Variants in DPP6 observed in about 807,000 individuals in gnomAD.
DPP6 encodes A-type potassium channel modulatory protein DPP6.
In DPP6, 69 loss-of-function variants were observed where a neutral mutation model predicts 122.6. The observed-to-expected ratio is 0.56, with a 90% CI of 0.46 to 0.69. The LOEUF is 0.69. Ranked by LOEUF, DPP6 falls within the 30% of genes least tolerant of loss-of-function variation. The pLI is 0.00. For missense variants in DPP6, 928 were observed against 1,116.9 expected (o/e 0.83, Z 2.41); for synonymous variants, 418 against 433.1 (o/e 0.97, Z 0.43).
intron 1 of DPP6, among the ~76,000 whole-genome samples, chr7:154,177,848 G>A (rs550455744): frequency 9.9e-5 from 15 of 152,276 alleles, no homozygotes; most frequent in South Asian, 4.1e-4. Context: ...GAAATTAAAC[G>A]CTTCGTATAA....
chr7:153,901,031 C>T (rs1461322312), intron 1 of DPP6, among the ~76,000 whole-genome samples: 1 of 152,092 alleles, frequency 6.6e-6, no homozygotes, highest in African/African-American at 2.4e-5. Context: ...TGATTACTTA[C>T]AGTGGTTCAT....
the DPP6 span, among the ~76,000 whole-genome samples, chr7:153,878,154 C>G: frequency 2.8e-4 from 42 of 152,294 alleles, no homozygotes; most frequent in Admixed American, 8.5e-4. Context: ...CAACAGGTCA[C>G]TCACATCCTA....
At chr7:154,713,233 C>T (rs2131311434) in intron 7 of DPP6, among the ~76,000 whole-genome samples, 1 of 152,348 alleles carries the variant, frequency 6.6e-6, no homozygotes, top group South Asian at 2.1e-4. Context: ...TACAGCCTAC[C>T]TCCCAGCTGC....
intron 1 of DPP6, among the ~76,000 whole-genome samples, chr7:154,179,516 G>C (rs915622167): frequency 4.6e-5 from 7 of 152,190 alleles, no homozygotes; most frequent in African/African-American, 1.7e-4. Flanking sequence ...AGCAGTGATT[G>C]TGATTTCATG....
chr7:154,521,330 A>G (rs1287297517), intron 3 of DPP6, among the ~76,000 whole-genome samples: 1 of 151,938 alleles, frequency 6.6e-6, no homozygotes, highest in African/African-American at 2.4e-5. Context: ...GTGAAAAAAT[A>G]ATTTGCAAAA....
chr7:153,847,551 TG>T, the DPP6 span, among the ~76,000 whole-genome samples: 1 of 152,248 alleles, frequency 6.6e-6, no homozygotes, highest in African/African-American at 2.4e-5. Flanking sequence ...TATTCATTTT[TG>T]TTTTAGTTAA....
intron 1 of DPP6, among the ~76,000 whole-genome samples, chr7:154,263,378 A>G (rs1803162212): frequency 1.3e-5 from 2 of 152,202 alleles, no homozygotes; most frequent in Admixed American, 1.3e-4. Context: ...GCTTCTGTTT[A>G]TATATGAGCA....
chr7:154,357,540 C>A (rs563628562), intron 1 of DPP6, among the ~76,000 whole-genome samples: 108 of 152,254 alleles, frequency 7.1e-4, no homozygotes, highest in African/African-American at 2.4e-3. Context: ...TATTCAGGCT[C>A]GAGGCAACTC....
chr7:153,892,631 C>A (rs1345908967), intron 1 of DPP6, among the ~76,000 whole-genome samples: 1 of 152,066 alleles, frequency 6.6e-6, no homozygotes, highest in Admixed American at 6.6e-5. Flanking sequence ...TCTGTGGGGA[C>A]AGCATTTCTA....
Position 154,105,438 on chromosome 7 carries a change from A to G in DPP6, c.243+52375A>G, listed in dbSNP as rs191443212. On this transcript the variant is annotated intron_variant, in intron 1 of 25. Coordinates refer to ENST00000377770, the MANE Select transcript of DPP6 (RefSeq NM_130797.4). Reference sequence around the variant, plus strand: ...TGTGACCAGAGCCTTGGCTGCAAATAACGACCAGCCTTTCCTCATCACCCA... The same window carrying G: ...TGTGACCAGAGCCTTGGCTGCAAATGACGACCAGCCTTTCCTCATCACCCA... Among the ~76,000 whole-genome samples the G allele has an allele frequency of 2.2e-3, 340 of 152,260 alleles. 2 individuals carry two copies. The highest frequency in any genetic ancestry group is 7.8e-3 in the African/African-American group (322 of 41,536).
At position 154,265,661 on chromosome 7, in the gene DPP6, A is replaced by G. The variant is rs146187354; in HGVS notation, c.244-180553A>G. Among the ~76,000 whole-genome samples the G allele has an allele frequency of 7.7e-3, 1,170 of 152,328 alleles. 23 individuals carry two copies. Among genetic ancestry groups the G allele is most frequent in the African/African-American group, 0.025 (1,050 of 41,578 alleles). ...AATGTAGCCGACTTACACAAAATAA[A>G]CTTAAGATTACTGTTTTGGTCAAAG... On this transcript the variant is annotated intron_variant, in intron 1 of 25. Coordinates refer to ENST00000377770, the MANE Select transcript of DPP6 (RefSeq NM_130797.4).
chr7:153,933,723 A>C (rs1044458185), intron 1 of DPP6, among the ~76,000 whole-genome samples: 2 of 152,150 alleles, frequency 1.3e-5, no homozygotes, highest in African/African-American at 4.8e-5. Flanking sequence ...ACACACCTGC[A>C]TAGAAACACA....
intron 4 of DPP6, among the ~76,000 whole-genome samples, chr7:154,560,617 C>T (rs1830359790): frequency 6.6e-6 from 1 of 152,164 alleles, no homozygotes; most frequent in Non-Finnish European, 1.5e-5. Flanking sequence ...GGCATGGTGG[C>T]TCATGCCTGT....
intron 1 of DPP6, chr7:154,305,335 T>TTTG: frequency 9.8e-7 from 1 of 1,024,758 alleles, no homozygotes. Flanking sequence ...TCGTCTTGTC[T>TTTG]ACCCACCCTC....
At chr7:153,881,461 T>C in the DPP6 span, among the ~76,000 whole-genome samples, 23 of 152,346 alleles carry the variant, frequency 1.5e-4, no homozygotes, top group South Asian at 6.2e-4. Flanking sequence ...GATCTATAAA[T>C]GGCTCTTCTC....
chr7:154,544,688 G>T (rs898468966), intron 4 of DPP6, among the ~76,000 whole-genome samples: 1 of 152,204 alleles, frequency 6.6e-6, no homozygotes, highest in African/African-American at 2.4e-5. Flanking sequence ...CCAGCCGGTT[G>T]TGCAAGTTCT....
At chr7:154,342,837 C>T (rs1263636697) in intron 1 of DPP6, among the ~76,000 whole-genome samples, 1 of 152,226 alleles carries the variant, frequency 6.6e-6, no homozygotes, top group African/African-American at 2.4e-5. Flanking sequence ...TTGAGTGAGG[C>T]TACCAGTGCT....
chr7:153,891,687 T>C (rs1379125002), intron 1 of DPP6, among the ~76,000 whole-genome samples: 1 of 152,182 alleles, frequency 6.6e-6, no homozygotes, highest in East Asian at 1.9e-4. Context: ...ACTCTGTCCA[T>C]ATGAGCTTTT....
intron 8 of DPP6, among the ~76,000 whole-genome samples, chr7:154,768,216 G>T (rs1339119941): frequency 6.6e-6 from 1 of 152,238 alleles, no homozygotes; most frequent in African/African-American, 2.4e-5. Flanking sequence ...GTCTCCTCCT[G>T]GTGCCTCCCG....
Sources: allele counts gnomAD v4.1 joint callset (sites outside exome capture counted in the v4.1 genomes callset), GRCh38; gene constraint gnomAD v4.1.1; transcripts MANE v1.5; gene names NCBI Gene and HGNC (gene_info 2026-07-23, HGNC 2026-07-21).